The following NELL1 variants were observed in gnomAD, a reference collection of about 807,000 sequenced individuals.
NELL1 encodes protein kinase C-binding protein NELL1.
Under a neutral mutation model 107.4 loss-of-function variants are expected in NELL1, and 76 were observed. The observed-to-expected ratio is 0.71, with a 90% CI of 0.59 to 0.86. NELL1 has a LOEUF of 0.86. Ranked by LOEUF, NELL1 falls within the 40% of genes least tolerant of loss-of-function variation. NELL1 has a pLI of 0.00. For missense variants in NELL1, 1,024 were observed against 1,005.5 expected (o/e 1.02, Z -0.25); for synonymous variants, 353 against 341.2 (o/e 1.03, Z -0.38).
intron 3 of NELL1, among the ~76,000 whole-genome samples, chr11:20,812,079 T>C (rs575585464): frequency 6.6e-6 from 1 of 152,328 alleles, no homozygotes; most frequent in East Asian, 1.9e-4. Context: ...GAATTTGTTA[T>C]ATATGACCTT....
At chr11:21,455,156 T>G (rs915125131) in intron 15 of NELL1, among the ~76,000 whole-genome samples, 5 of 152,180 alleles carry the variant, frequency 3.3e-5, no homozygotes, top group African/African-American at 1.2e-4. Flanking sequence ...TCTCACTGGA[T>G]GTCAAATTAT....
At chr11:21,477,227 G>C (rs186808314) in intron 15 of NELL1, among the ~76,000 whole-genome samples, 10 of 152,088 alleles carry the variant, frequency 6.6e-5, no homozygotes, top group Admixed American at 5.9e-4. Flanking sequence ...GAGAGGGAAA[G>C]GTAAAGAGGA....
chr11:21,008,838 C>A (rs957634523), intron 12 of NELL1, among the ~76,000 whole-genome samples: 1 of 151,948 alleles, frequency 6.6e-6, no homozygotes, highest in Non-Finnish European at 1.5e-5. Context: ...AGTAATTTAA[C>A]AAAAGTAATT....
At chr11:20,714,352 C>T (rs939430984) in intron 2 of NELL1, among the ~76,000 whole-genome samples, 10 of 123,106 alleles carry the variant, frequency 8.1e-5, no homozygotes, top group Admixed American at 1.8e-4. Flanking sequence ...TACAGGATCA[C>T]GCCACCACGC....
At chr11:20,815,891 C>T (rs961850930) in intron 3 of NELL1, among the ~76,000 whole-genome samples, 1 of 152,084 alleles carries the variant, frequency 6.6e-6, no homozygotes, top group African/African-American at 2.4e-5. Context: ...TTTTTCCTGG[C>T]AACATTTATT....
intron 15 of NELL1, among the ~76,000 whole-genome samples, chr11:21,411,430 T>C (rs979291196): frequency 6.6e-6 from 1 of 152,062 alleles, no homozygotes; most frequent in Non-Finnish European, 1.5e-5. Context: ...TCTATATTAA[T>C]GTGTGTCTAT....
intron 2 of NELL1, among the ~76,000 whole-genome samples, chr11:20,724,138 C>T (rs1043711791): frequency 2.0e-5 from 3 of 152,324 alleles, no homozygotes; most frequent in Admixed American, 6.5e-5. Flanking sequence ...CCTCCTAGGC[C>T]TTGGGCCTGT....
Position 21,225,364 on chromosome 11 carries a change from G to C in NELL1, c.1427-3968G>C, listed in dbSNP as rs566502500. Among the ~76,000 whole-genome samples the C allele has an allele frequency of 2.3e-3, 345 of 152,322 alleles. 2 individuals are homozygous for C. The highest frequency in any genetic ancestry group is 7.8e-3 in the African/African-American group (326 of 41,560). On this transcript the variant is annotated intron_variant, in intron 13 of 19. Transcript: ENST00000357134. Reference sequence around the variant, plus strand: ...CCTGTAAGGGCTGTGAGGCTCTTCTGTACCTAGAATTGTTGGTGTCCATGG... The same window carrying C: ...CCTGTAAGGGCTGTGAGGCTCTTCTCTACCTAGAATTGTTGGTGTCCATGG...
Position 20,967,287 on chromosome 11 carries a change from G to C in NELL1, c.1300+6727G>C, listed in dbSNP as rs567569141. Among the ~76,000 whole-genome samples, 6 of 152,122 alleles carry C rather than the reference G, an allele frequency of 3.9e-5. No homozygotes were observed. In the East Asian group the frequency reaches 1.2e-3, roughly 29 times the overall value. On this transcript the variant is annotated intron_variant, in intron 12 of 19. Coordinates refer to ENST00000357134, the MANE Select transcript of NELL1 (RefSeq NM_006157.5). ...GTTAAGAGATTGTATAGGAGAAATGGGCTAGTTTGCTTAATTATGCTTCTA... is the reference window on the plus strand; with the variant it reads ...GTTAAGAGATTGTATAGGAGAAATGCGCTAGTTTGCTTAATTATGCTTCTA...
intron 12 of NELL1, among the ~76,000 whole-genome samples, chr11:21,009,680 G>T (rs1852405224): frequency 6.6e-6 from 1 of 152,036 alleles, no homozygotes; most frequent in Admixed American, 6.6e-5. Flanking sequence ...CATGCCCGTA[G>T]AACTTGATTA....
At chr11:21,010,559 A>G (rs1389305238) in intron 12 of NELL1, among the ~76,000 whole-genome samples, 1 of 152,094 alleles carries the variant, frequency 6.6e-6, no homozygotes, top group Non-Finnish European at 1.5e-5. Flanking sequence ...TTAATTTACA[A>G]TTTAGGACCC....
In NELL1 at chr11:20,680,362, T is replaced by C. The variant is rs553342458; in HGVS notation, c.184+2302T>C. ...TATCTCAAAAAGTCTTAATCCATCATAGCAACAACTCAAAGATTGAAATCT... is the reference window on the plus strand; with the variant it reads ...TATCTCAAAAAGTCTTAATCCATCACAGCAACAACTCAAAGATTGAAATCT... On this transcript the variant is annotated intron_variant, in intron 2 of 19. Transcript: ENST00000357134. 1.1e-4 allele frequency among the ~76,000 whole-genome samples: 16 copies of C among 152,232 alleles called. No individual in the cohort carries two copies. The South Asian group carries it at 1.7e-3, about 16-fold the overall frequency.
chr11:21,034,871 C>T (rs1021928738), intron 12 of NELL1, among the ~76,000 whole-genome samples: 12 of 151,658 alleles, frequency 7.9e-5, no homozygotes, highest in East Asian at 1.9e-4. Context: ...AGCTAGCAGA[C>T]GACAAGAAAT....
chr11:21,105,975 T>C lies in NELL1; in HGVS notation c.1301-7614T>C, dbSNP rs1161328466. ...TCCCTCCCTCTCTTTCTTCCTTTCA[T>C]CTTTCTTCTTTCTCTCTGTTTCTCT... On this transcript the variant is annotated intron_variant, in intron 12 of 19. Coordinates refer to ENST00000357134, the MANE Select transcript of NELL1 (RefSeq NM_006157.5). Among the ~76,000 whole-genome samples the C allele has an allele frequency of 2.2e-5, 3 of 134,724 alleles. No homozygotes were observed. The East Asian group carries it at 7.5e-4, about 34-fold the overall frequency. 88.4% of individuals were successfully genotyped at this position (134,724 alleles called of 152,430 possible).
chr11:21,135,847 T>C (rs1442475225), intron 13 of NELL1, among the ~76,000 whole-genome samples: 5 of 152,188 alleles, frequency 3.3e-5, no homozygotes, highest in African/African-American at 4.8e-5. Flanking sequence ...ATTAAAAATA[T>C]TCTTTTGAGA....
At chr11:21,387,248 T>C (rs1273786982) in intron 15 of NELL1, among the ~76,000 whole-genome samples, 2 of 151,856 alleles carry the variant, frequency 1.3e-5, no homozygotes, top group African/African-American at 2.4e-5. Context: ...TACTGAATCT[T>C]CTCCCAGATA....
intron 17 of NELL1, among the ~76,000 whole-genome samples, chr11:21,568,716 C>T (rs1857028864): frequency 6.6e-6 from 1 of 151,706 alleles, no homozygotes; most frequent in Non-Finnish European, 1.5e-5. Flanking sequence ...TTATCAATAT[C>T]ACTGTCTTTC....
chr11:20,836,999 A>G (rs1283722185), intron 3 of NELL1, among the ~76,000 whole-genome samples: 1 of 152,156 alleles, frequency 6.6e-6, no homozygotes, highest in African/African-American at 2.4e-5. Context: ...GATGGAATTC[A>G]GAATGTAACA....
At chr11:20,761,783 G>A (rs1856426065) in intron 2 of NELL1, among the ~76,000 whole-genome samples, 1 of 152,162 alleles carries the variant, frequency 6.6e-6, no homozygotes, top group African/African-American at 2.4e-5. Flanking sequence ...ATGCTTATAG[G>A]TTTGCTTTAA....
Sources: allele counts gnomAD v4.1 joint callset (sites outside exome capture counted in the v4.1 genomes callset), GRCh38; gene constraint gnomAD v4.1.1; transcripts MANE v1.5; gene names NCBI Gene and HGNC (gene_info 2026-07-23, HGNC 2026-07-21).